Variants in SORCS2 observed in about 807,000 individuals in gnomAD.
The protein encoded by SORCS2 is VPS10 domain-containing receptor SorCS2.
In SORCS2, 100 loss-of-function variants were observed where a neutral mutation model predicts 141.6. The ratio of observed to expected loss-of-function variants is 0.71; its 90% CI spans 0.60 to 0.83. The LOEUF is 0.83. SORCS2 is among the 40% of genes least tolerant of loss of function. SORCS2 has a pLI of 0.00. For synonymous variants in SORCS2, 789 were observed against 676.9 expected, an observed-to-expected ratio of 1.17 and a Z score of -2.57; for missense variants, 1,646 against 1,560.2, an observed-to-expected ratio of 1.05 and a Z score of -0.93.
intron 3 of SORCS2, among the ~76,000 whole-genome samples, chr4:7,618,972 A>C (rs1718955587): frequency 6.6e-6 from 1 of 152,078 alleles, no homozygotes; most frequent in Non-Finnish European, 1.5e-5. Context: ...GGTCCTCGGA[A>C]GCACCTGAAA....
At chr4:7,642,312 A>C (rs996296566) in intron 4 of SORCS2, among the ~76,000 whole-genome samples, 1 of 152,224 alleles carries the variant, frequency 6.6e-6, no homozygotes, top group Non-Finnish European at 1.5e-5. Context: ...CTTCCATGTA[A>C]TTAGACTAAA....
At chr4:7,496,910 T>C (rs1377594548) in intron 2 of SORCS2, among the ~76,000 whole-genome samples, 3 of 152,198 alleles carry the variant, frequency 2.0e-5, no homozygotes, top group Non-Finnish European at 4.4e-5. Flanking sequence ...CCAGGTGCCC[T>C]GTGTCAGCAA....
intron 12 of SORCS2, 21 bp downstream of exon 12, chr4:7,697,295 C>G (rs1050389454): frequency 6.4e-7 from 1 of 1,564,380 alleles, no homozygotes; most frequent in African/African-American, 1.4e-5. Flanking sequence ...TGGGAGGTGC[C>G]TGGTACCCCC....
intron 1 of SORCS2, among the ~76,000 whole-genome samples, chr4:7,387,767 C>G (rs545608065): frequency 2.0e-5 from 2 of 98,816 alleles, no homozygotes; most frequent in Non-Finnish European, 1.9e-5. Context: ...CAGAAATACA[C>G]ACATGCACAC....
At chr4:7,478,371 G>A (rs1298055784) in intron 2 of SORCS2, among the ~76,000 whole-genome samples, 1 of 152,042 alleles carries the variant, frequency 6.6e-6, no homozygotes, top group African/African-American at 2.4e-5. Context: ...TGCCTTCCAG[G>A]TGAGGCCTCC....
intron 2 of SORCS2, among the ~76,000 whole-genome samples, chr4:7,503,091 G>C (rs1426100164): frequency 6.6e-6 from 1 of 152,004 alleles, no homozygotes; most frequent in Admixed American, 6.6e-5. Flanking sequence ...CAGGGGCTGG[G>C]GAATATATCT....
chr4:7,563,428 A>G (rs980279448), intron 3 of SORCS2, among the ~76,000 whole-genome samples: 5 of 152,176 alleles, frequency 3.3e-5, no homozygotes, highest in Non-Finnish European at 5.9e-5. Flanking sequence ...TGCAACAGCC[A>G]TCTCTCTGTC....
chr4:7,418,709 C>CG (rs933341007), intron 2 of SORCS2, among the ~76,000 whole-genome samples: 47 of 117,292 alleles, frequency 4.0e-4, no homozygotes, highest in African/African-American at 1.2e-3. Context: ...ATGACCCCCC[C>CG]CCCCACCAGA....
intron 2 of SORCS2, among the ~76,000 whole-genome samples, chr4:7,461,462 G>A (rs572922253): frequency 9.2e-5 from 14 of 152,336 alleles, no homozygotes; most frequent in African/African-American, 1.4e-4. Context: ...TGATCAGTGG[G>A]GAAACCTGTA....
chr4:7,339,429 C>A (rs979024605), intron 1 of SORCS2, among the ~76,000 whole-genome samples: 1 of 152,218 alleles, frequency 6.6e-6, no homozygotes, highest in African/African-American at 2.4e-5. Flanking sequence ...AGCCTGAGAT[C>A]GAGGTGCCTG....
chr4:7,418,708 C>CA (rs1553859460), intron 2 of SORCS2, among the ~76,000 whole-genome samples: 1 of 115,828 alleles, frequency 8.6e-6, no homozygotes, highest in Non-Finnish European at 2.0e-5. Flanking sequence ...AATGACCCCC[C>CA]CCCCCACCAG....
At chr4:7,531,663 C>T (rs369920881) in intron 3 of SORCS2, 34 bp downstream of exon 3, 4 of 1,590,526 alleles carry the variant, frequency 2.5e-6, no homozygotes, top group Non-Finnish European at 3.4e-6. Flanking sequence ...GCCACTCTGG[C>T]TCTCGCCTTG....
At chr4:7,385,511 C>G (rs1016944602) in intron 1 of SORCS2, among the ~76,000 whole-genome samples, 2 of 152,186 alleles carry the variant, frequency 1.3e-5, no homozygotes, top group Non-Finnish European at 2.9e-5. Context: ...GGGGGCTGGT[C>G]TTGGCCTCAG....
intron 2 of SORCS2, among the ~76,000 whole-genome samples, chr4:7,418,030 A>G (rs997344718): frequency 4.6e-5 from 7 of 152,198 alleles, no homozygotes; most frequent in African/African-American, 2.4e-5. Context: ...CTTACCAGGC[A>G]CTTGGCCTGT....
intron 5 of SORCS2, among the ~76,000 whole-genome samples, chr4:7,657,826 GTC>G (rs1228765039): frequency 6.6e-6 from 1 of 151,892 alleles, no homozygotes; most frequent in Non-Finnish European, 1.5e-5. Context: ...GAGTGGGTGA[GTC>G]TGTGACTGAG....
At chr4:7,522,464 G>T (rs1319141358) in intron 2 of SORCS2, among the ~76,000 whole-genome samples, 1 of 152,208 alleles carries the variant, frequency 6.6e-6, no homozygotes, top group Non-Finnish European at 1.5e-5. Flanking sequence ...AGATTGGAAT[G>T]ATCAGCTCCT....
chr4:7,533,521 C>T (rs1219137301), intron 3 of SORCS2, among the ~76,000 whole-genome samples: 1 of 152,236 alleles, frequency 6.6e-6, no homozygotes, highest in Admixed American at 6.5e-5. Context: ...TGCCCTTCTC[C>T]ACTCCATGCA....
At chr4:7,647,489 C>G (rs1428990746) in intron 4 of SORCS2, among the ~76,000 whole-genome samples, 1 of 152,166 alleles carries the variant, frequency 6.6e-6, no homozygotes, top group Non-Finnish European at 1.5e-5. Flanking sequence ...GGAGGCGGGA[C>G]ACCTTTGCCA....
chr4:7,300,996 A>G (rs1459695501), intron 1 of SORCS2, among the ~76,000 whole-genome samples: 2 of 151,962 alleles, frequency 1.3e-5, no homozygotes, highest in Admixed American at 1.3e-4. Flanking sequence ...TGTGTGGCCC[A>G]GCTGTCTGTG....
Sources: gnomAD v4.1 joint callset for allele counts (sites outside exome capture counted in the v4.1 genomes callset) on GRCh38, gnomAD v4.1.1 for gene constraint, MANE v1.5 for transcripts, NCBI Gene and HGNC (gene_info 2026-07-23, HGNC 2026-07-21) for gene names.